Variants in PAK1IP1 observed in about 807,000 individuals in gnomAD.
PAK1IP1 encodes p21-activated protein kinase-interacting protein 1.
A neutral mutation model predicts 42.0 loss-of-function variants in PAK1IP1; 24 were observed. The observed-to-expected ratio is 0.57, with a 90% CI of 0.41 to 0.80. PAK1IP1 has a LOEUF of 0.80. Ranked by LOEUF, PAK1IP1 falls within the 30% of genes least tolerant of loss-of-function variation. PAK1IP1 has a pLI of 0.00. For missense variants in PAK1IP1, 411 were observed against 467.9 expected (o/e 0.88, Z 1.12); for synonymous variants, 154 against 156.7 (o/e 0.98, Z 0.13).
At chr6:10,702,261 G>T in intron 2 of PAK1IP1, 108 bp from the exon 3 acceptor site, 15 of 814,300 alleles carry the variant, frequency 1.8e-5, no homozygotes, top group Non-Finnish European at 2.5e-5. Flanking sequence ...AAAAGAAAAA[G>T]AAAAAAAGGT....
At chr6:10,702,229 A>C in intron 2 of PAK1IP1, 140 bp from the exon 3 acceptor site, 1 of 673,908 alleles carries the variant, frequency 1.5e-6, no homozygotes, top group Non-Finnish European at 2.4e-6. Context: ...AACAAGAGTG[A>C]AACCCTGCCT....
At chr6:10,694,598 A>AGTGT, upstream of PAK1IP1, 13 of 172,148 alleles carry the variant, frequency 7.6e-5, no homozygotes, top group South Asian at 3.5e-4. Context: ...TACAGCCCCT[A>AGTGT]AGCAACCGGC....
In PAK1IP1 at chr6:10,702,605, T is replaced by G. The variant is rs755512237; in HGVS notation, c.409T>G (p.Leu137Val). 6.2e-7 allele frequency: 1 copy of G among 1,613,836 alleles called. No homozygotes were observed. Among genetic ancestry groups the G allele is most frequent in the South Asian group, 1.1e-5 (1 of 91,080 alleles). ...CCTTTCTATTCACCCATCTGGCAAG[T>G]TGGCCCTGTCGGTTGGTACAGATAA... ...TFLSIHPSGKLALSVGTDKTL... is the reference protein window; with the variant it reads ...TFLSIHPSGKVALSVGTDKTL... The change falls in exon 4 of 10, where the codon TTG becomes GTG. Residue 137 changes from leucine (L) to valine (V), a missense_variant. Transcript: ENST00000379568.
At chr6:10,694,630 C>CATTAAAATA, upstream of PAK1IP1, 1 of 199,052 alleles carries the variant, frequency 5.0e-6, no homozygotes, top group Non-Finnish European at 1.1e-5. Flanking sequence ...CCCACCTCCT[C>CATTAAAATA]CTGATGTCAC....
chr6:10,694,991 G>C lies in PAK1IP1; in HGVS notation c.6G>C (p.Glu2Asp). Reference protein sequence around the residue: MELVAGCYEQVL... With the variant: MDLVAGCYEQVL... ...AGAGGCACGTGCGCTGCTGAATGGA[G>C]CTGGTCGCTGGTTGCTACGAGCAGG... is the stretch of plus-strand genomic sequence containing the variant. The change falls in exon 1 of 10, where the codon GAG becomes GAC. Residue 2 changes from glutamate (E) to aspartate (D), a missense_variant. Physicochemically the swap from Glu to Asp is conservative, Grantham distance 45. Transcript: ENST00000379568. 1 of 1,599,774 alleles carries C rather than the reference G, an allele frequency of 6.3e-7. No individual in the cohort carries two copies. The highest frequency in any genetic ancestry group is 8.5e-7 in the Non-Finnish European group (1 of 1,179,040).
upstream of PAK1IP1, among the ~76,000 whole-genome samples, chr6:10,692,951 G>T (rs1444805690): frequency 6.6e-6 from 1 of 152,224 alleles, no homozygotes; most frequent in East Asian, 1.9e-4. Context: ...AGATGACGTA[G>T]AAAGTAAAAA....
At chr6:10,699,035 C>A (rs547263097) in intron 2 of PAK1IP1, among the ~76,000 whole-genome samples, 1 of 151,748 alleles carries the variant, frequency 6.6e-6, no homozygotes, top group Admixed American at 6.6e-5. Flanking sequence ...CCCGTCTCTA[C>A]GAAAAATACA....
rs942642834 is a variant in PAK1IP1, at chr6:10,703,496, A to G, written c.496+39A>G. On this transcript the variant is annotated intron_variant, in intron 5 of 9. Coordinates refer to ENST00000379568, the MANE Select transcript of PAK1IP1 (RefSeq NM_017906.3). ...TTTGAAATGCAGGTTGAGCATTCCT[A>G]ATCTGGAAATCTGAAATGCTCCAAA... 5 of 1,430,192 alleles carry G rather than the reference A, an allele frequency of 3.5e-6. No individual in the cohort carries two copies. In the African/African-American group the frequency reaches 7.0e-5, roughly 20 times the overall value. 88.6% of individuals were successfully genotyped at this position (1,430,192 alleles called of 1,614,324 possible). A position where few individuals can be genotyped will look rare whatever the true frequency, so the allele number is the denominator to read the frequency against.
chr6:10,690,970 C>T (rs548637950), upstream of PAK1IP1, among the ~76,000 whole-genome samples: 2 of 152,324 alleles, frequency 1.3e-5, no homozygotes, highest in South Asian at 2.1e-4. Flanking sequence ...CCTGAAACTA[C>T]TGCCACAGCC....
At position 10,698,094 on chromosome 6, in the gene PAK1IP1, G is replaced by A. The variant is rs1376604995; in HGVS notation, c.247+608G>A. 3.3e-5 allele frequency among the ~76,000 whole-genome samples: 5 copies of A among 152,192 alleles called. No individual in the cohort carries two copies. The East Asian group carries it at 7.7e-4, about 23-fold the overall frequency. On this transcript the variant is annotated intron_variant, in intron 2 of 9. Transcript: ENST00000379568. ...GAGAAAGGACATTCCAGGCAGAGCC[G>A]GCAGTGTGAGGAGCACAAGTAGTAG...
At chr6:10,693,786 T>TG, upstream of PAK1IP1, among the ~76,000 whole-genome samples, 1 of 152,144 alleles carries the variant, frequency 6.6e-6, no homozygotes, top group Non-Finnish European at 1.5e-5. Context: ...TGGAATGCAG[T>TG]GGAGCGATCT....
chr6:10,694,181 A>G (rs1769625461), upstream of PAK1IP1, among the ~76,000 whole-genome samples: 1 of 147,334 alleles, frequency 6.8e-6, no homozygotes, highest in African/African-American at 2.6e-5. Context: ...AATTGCTTGA[A>G]CCCGGGAGGC....
chr6:10,691,398 C>CG (rs1554148293), upstream of PAK1IP1, among the ~76,000 whole-genome samples: 1 of 151,874 alleles, frequency 6.6e-6, no homozygotes, highest in Non-Finnish European at 1.5e-5. Context: ...ACTGAGCAAG[C>CG]GGGGGTACAT....
intron 4 of PAK1IP1, 90 bp from the exon 5 acceptor site, chr6:10,703,315 A>G: frequency 1.1e-6 from 1 of 894,132 alleles, no homozygotes; most frequent in East Asian, 2.5e-5. Context: ...ATTTAGTAAA[A>G]TGTCACTTAA....
At chr6:10,702,271 T>G in intron 2 of PAK1IP1, 98 bp from the exon 3 acceptor site, 6 of 891,436 alleles carry the variant, frequency 6.7e-6, no homozygotes, top group South Asian at 1.7e-5. Context: ...GAAAAAAAGG[T>G]ATTGAGTGTT....
At chr6:10,693,557 T>A (rs1769547737), upstream of PAK1IP1, among the ~76,000 whole-genome samples, 1 of 152,224 alleles carries the variant, frequency 6.6e-6, no homozygotes, top group South Asian at 2.1e-4. Context: ...AAGCACTGTA[T>A]CGCACTTGAA....
Position 10,707,530 on chromosome 6 carries a change from C to T in PAK1IP1, c.840+16C>T, listed in dbSNP as rs1770241376. On this transcript the variant is annotated intron_variant, in intron 8 of 9. Transcript: ENST00000379568. ...GCAGGATAAGGTCAGTGCTTCAACACAATCTAAATGTACTTTAATACAAGT... is the reference window on the plus strand; with the variant it reads ...GCAGGATAAGGTCAGTGCTTCAACATAATCTAAATGTACTTTAATACAAGT... 5 of 1,428,788 alleles carry T rather than the reference C, an allele frequency of 3.5e-6. No homozygotes were observed. Among genetic ancestry groups the T allele is most frequent in the African/African-American group, 2.8e-5 (2 of 71,262 alleles). The allele number at this position is 1,428,788 out of a possible 1,614,324, so 88.5% of individuals were successfully genotyped here. A position where few individuals can be genotyped will look rare whatever the true frequency, so the allele number is the denominator to read the frequency against.
chr6:10,694,419 C>G (rs1769670994), upstream of PAK1IP1: 1 of 154,642 alleles, frequency 6.5e-6, no homozygotes, highest in African/African-American at 2.4e-5. Flanking sequence ...TCTAGCACTC[C>G]GAGTCCGTCA....
chr6:10,694,163 G>A (rs958744634), upstream of PAK1IP1, among the ~76,000 whole-genome samples: 9 of 151,494 alleles, frequency 5.9e-5, no homozygotes, highest in Admixed American at 2.0e-4. Context: ...GGGAGGCTGA[G>A]GCAGGAGAAT....
Sources: gnomAD v4.1 joint callset for allele counts (sites outside exome capture counted in the v4.1 genomes callset) on GRCh38, gnomAD v4.1.1 for gene constraint, MANE v1.5 for transcripts, NCBI Gene and HGNC (gene_info 2026-07-23, HGNC 2026-07-21) for gene names.